The following RELL1 variants were observed in gnomAD, a reference collection of about 807,000 sequenced individuals.
The protein encoded by RELL1 is RELT like 1, also known as RELT-like protein 1.
In RELL1, 10 loss-of-function variants were observed where a neutral mutation model predicts 23.0. The observed-to-expected ratio is 0.43, with a 90% CI of 0.27 to 0.74. RELL1 has a LOEUF of 0.74. Among genes scored for constraint, RELL1 ranks in the 30% least tolerant of loss-of-function variants. The pLI, the probability that RELL1 is intolerant of heterozygous loss-of-function variation, is 0.19. For missense variants in RELL1, 315 were observed against 364.4 expected (o/e 0.86, Z 1.10); for synonymous variants, 146 against 146.8 (o/e 0.99, Z 0.04).
downstream of RELL1, among the ~76,000 whole-genome samples, chr4:37,607,522 G>A (rs191102004): frequency 6.6e-6 from 1 of 151,392 alleles, no homozygotes; most frequent in African/African-American, 2.4e-5. Flanking sequence ...TTAATGAACC[G>A]TACGTGTGTG....
intron 5 of RELL1, among the ~76,000 whole-genome samples, chr4:37,633,805 C>A (rs988098692): frequency 9.8e-5 from 15 of 152,302 alleles, no homozygotes; most frequent in Admixed American, 2.0e-4. Flanking sequence ...GTGTGACTGT[C>A]CTTCTCACTT....
chr4:37,588,849 G>A, downstream of RELL1: 1 of 1,610,048 alleles, frequency 6.2e-7, no homozygotes, highest in Non-Finnish European at 8.5e-7. Flanking sequence ...TTTCCAGGTG[G>A]TAACAGAAAA....
intron 3 of RELL1, among the ~76,000 whole-genome samples, chr4:37,644,575 C>T (rs1481131961): frequency 6.6e-6 from 1 of 151,506 alleles, no homozygotes; most frequent in Non-Finnish European, 1.5e-5. Flanking sequence ...AGTGATTCTC[C>T]TGCCTCAGCC....
At chr4:37,649,784 G>A (rs752409362) in intron 1 of RELL1, among the ~76,000 whole-genome samples, 3 of 152,234 alleles carry the variant, frequency 2.0e-5, no homozygotes, top group Non-Finnish European at 2.9e-5. Context: ...CAGGGTTGTC[G>A]TGAAGTGTCC....
intron 6 of RELL1, among the ~76,000 whole-genome samples, chr4:37,627,608 G>A (rs1346148859): frequency 1.3e-5 from 2 of 152,136 alleles, no homozygotes. Context: ...GAAGGAACCA[G>A]AAGGGAGAGA....
At position 37,612,647 on chromosome 4, in the gene RELL1, A is replaced by AG; in HGVS notation, c.*698_*699insC. On this transcript the variant is annotated 3_prime_UTR_variant, in exon 7 of 7. Transcript: ENST00000454158. ...GCGAGACTCTGCCTCAAAAAAAAAA[A>AG]AAAAAAAACCTTCTCAAAATGTGTA... Among the ~76,000 whole-genome samples the AG allele has an allele frequency of 6.6e-6, 1 of 151,876 alleles. No homozygotes were observed. Among genetic ancestry groups the AG allele is most frequent in the East Asian group, 1.9e-4 (1 of 5,172 alleles).
Position 37,599,883 on chromosome 4 carries a change from G to GTGA in RELL1, c.*4-8669_*4-8667dup, listed in dbSNP as rs564398715. On this transcript the variant is annotated intron_variant, in intron 6 of 6. Transcript: ENST00000314117. ...CAGTTTCATCATCTGTATAGTGGAG[G>GTGA]TGATGGCTAGGCCCCTCTCTCGGCC... 9.0e-3 allele frequency among the ~76,000 whole-genome samples: 1,370 copies of GTGA among 152,294 alleles called. 19 individuals are homozygous for GTGA. Among genetic ancestry groups the GTGA allele is most frequent in the Middle Eastern group, 0.027 (8 of 294 alleles).
chr4:37,655,906 C>A (rs545285775), intron 1 of RELL1, among the ~76,000 whole-genome samples: 4 of 152,204 alleles, frequency 2.6e-5, no homozygotes, highest in Non-Finnish European at 5.9e-5. Flanking sequence ...TACGAAGGAA[C>A]TGCAAAATGG....
At chr4:37,596,480 A>C (rs537496120) in intron 6 of RELL1, among the ~76,000 whole-genome samples, 15 of 151,910 alleles carry the variant, frequency 9.9e-5, no homozygotes, top group Admixed American at 7.2e-4. Flanking sequence ...TTATCAGTAA[A>C]AAGTACTGCA....
intron 1 of RELL1, among the ~76,000 whole-genome samples, chr4:37,668,260 TA>T (rs1345380019): frequency 4.4e-5 from 6 of 136,118 alleles, no homozygotes; most frequent in African/African-American, 1.4e-4. Context: ...CTCCCTCTGA[TA>T]CCGAGCCGAA....
chr4:37,668,078 CA>C (rs1268207178), intron 1 of RELL1, among the ~76,000 whole-genome samples: 1 of 147,780 alleles, frequency 6.8e-6, no homozygotes, highest in Non-Finnish European at 1.5e-5. Flanking sequence ...GATTATAAGT[CA>C]TTTTTTTTCT....
rs548597711 is a variant in RELL1 at position 37,602,790 on chromosome 4, A to G, written c.*4-11573T>C. 2.0e-3 allele frequency among the ~76,000 whole-genome samples: 312 copies of G among 152,284 alleles called. 2 individuals carry two copies. The highest frequency in any genetic ancestry group is 6.5e-4 in the Non-Finnish European group (44 of 68,026). ...TCACACAGTGGTGAGTGTGGGGCTCAAACGCAACAGCAAAGGTCGTGCCTA... is the reference window on the plus strand; with the variant it reads ...TCACACAGTGGTGAGTGTGGGGCTCGAACGCAACAGCAAAGGTCGTGCCTA... On this transcript the variant is annotated intron_variant, in intron 6 of 6. Coordinates refer to the RELL1 transcript ENST00000314117.
intron 6 of RELL1, chr4:37,591,409 C>A (rs1395577017): frequency 1.3e-5 from 2 of 156,026 alleles, no homozygotes; most frequent in African/African-American, 4.8e-5. Flanking sequence ...AAACTGTTTA[C>A]CTTGCTTTTG....
At chr4:37,661,003 C>T (rs1334378395) in intron 1 of RELL1, among the ~76,000 whole-genome samples, 2 of 151,580 alleles carry the variant, frequency 1.3e-5, no homozygotes, top group Admixed American at 6.6e-5. Flanking sequence ...TGCACTCCAG[C>T]CTGGGTGACA....
At chr4:37,685,916 C>G (rs975860949) in intron 1 of RELL1, among the ~76,000 whole-genome samples, 1 of 152,226 alleles carries the variant, frequency 6.6e-6, no homozygotes, top group African/African-American at 2.4e-5. Flanking sequence ...AAGGCCTGGT[C>G]CCTACGCCCC....
chr4:37,660,851 G>A (rs1721319118), intron 1 of RELL1, among the ~76,000 whole-genome samples: 1 of 152,098 alleles, frequency 6.6e-6, no homozygotes, highest in Admixed American at 6.5e-5. Flanking sequence ...CTAACACGGT[G>A]AAACCCCGTC....
chr4:37,667,809 A>T (rs1354576270), intron 1 of RELL1, among the ~76,000 whole-genome samples: 1 of 152,118 alleles, frequency 6.6e-6, no homozygotes, highest in Non-Finnish European at 1.5e-5. Flanking sequence ...TTAAAATGCT[A>T]CCCTGATCTA....
chr4:37,675,190 T>A (rs1721986197), intron 1 of RELL1, among the ~76,000 whole-genome samples: 1 of 152,380 alleles, frequency 6.6e-6, no homozygotes, highest in Non-Finnish European at 1.5e-5. Context: ...ATTTATAAGA[T>A]GCCTTTGTAT....
At chr4:37,604,864 CAGACACACACACACATACACACAG>C (rs1719133453) in intron 6 of RELL1, among the ~76,000 whole-genome samples, 17 of 111,096 alleles carry the variant, frequency 1.5e-4, no homozygotes, top group African/African-American at 2.0e-4. Context: ...CACACACACA[CAGACACACACACACATACACACAG>C]ACACACACAC....
Sources: gnomAD v4.1 joint callset for allele counts (sites outside exome capture counted in the v4.1 genomes callset) on GRCh38, gnomAD v4.1.1 for gene constraint, MANE v1.5 for transcripts, NCBI Gene and HGNC (gene_info 2026-07-23, HGNC 2026-07-21) for gene names.